TMEM18: variants seen among roughly 807,000 people sequenced by gnomAD.
The protein encoded by TMEM18 is transmembrane protein 18.
Under a neutral mutation model 17.4 loss-of-function variants are expected in TMEM18, and 14 were observed. The observed-to-expected ratio is 0.80, with a 90% CI of 0.53 to 1.25. The LOEUF is 1.25. Among genes scored for constraint, TMEM18 ranks in the 50% most tolerant of loss-of-function variants. The pLI is 0.00. For missense variants in TMEM18, 187 were observed against 172.1 expected, an observed-to-expected ratio of 1.09 and a Z score of -0.48; for synonymous variants, 86 against 66.1, an observed-to-expected ratio of 1.30 and a Z score of -1.46.
At chr2:676,091 C>T in intron 1 of TMEM18, 1 of 1,321,850 alleles carries the variant, frequency 7.6e-7, no homozygotes, top group Non-Finnish European at 1.0e-6. Flanking sequence ...TCATTTCAGA[C>T]TCCTTAGTCA....
chr2:669,980 C>T (rs1678798791), intron 3 of TMEM18, 130 bp from the exon 4 acceptor site: 1 of 682,666 alleles, frequency 1.5e-6, no homozygotes, highest in East Asian at 2.7e-5. Context: ...CTCACTGGGC[C>T]CACCCTTGGG....
chr2:675,934 G>C (rs1678992868), intron 1 of TMEM18: 1 of 1,396,492 alleles, frequency 7.2e-7, no homozygotes, highest in African/African-American at 1.4e-5. Context: ...TTGTGGAACA[G>C]AATCATGTTT....
At chr2:676,212 C>A (rs1439174350) in intron 1 of TMEM18, 4 of 1,383,866 alleles carry the variant, frequency 2.9e-6, no homozygotes, top group Non-Finnish European at 3.8e-6. Context: ...TCCGCCGCCT[C>A]CTGGACTCCC....
intron 1 of TMEM18, chr2:676,816 G>A (rs1266323869): frequency 1.5e-6 from 1 of 654,746 alleles, no homozygotes; most frequent in Non-Finnish European, 2.6e-6. Flanking sequence ...CCCAAGCCCC[G>A]CCCGCAAGAC....
intron 2 of TMEM18, among the ~76,000 whole-genome samples, chr2:674,468 T>C (rs1026689068): frequency 6.6e-6 from 1 of 152,204 alleles, no homozygotes; most frequent in African/African-American, 2.4e-5. Context: ...ATTGCAACAC[T>C]TGTCACTGTT....
chr2:674,058 G>C (rs1320134217), intron 2 of TMEM18, among the ~76,000 whole-genome samples: 1 of 152,176 alleles, frequency 6.6e-6, no homozygotes, highest in Non-Finnish European at 1.5e-5. Flanking sequence ...GGGAGTTAGA[G>C]AACCTCTGCA....
intron 2 of TMEM18, among the ~76,000 whole-genome samples, chr2:673,657 C>T (rs1678917055): frequency 6.6e-6 from 1 of 151,676 alleles, no homozygotes; most frequent in Non-Finnish European, 1.5e-5. Flanking sequence ...GCAGTCCCTC[C>T]ACTTCCTCCC....
chr2:672,953 G>T, intron 2 of TMEM18, 91 bp from the exon 3 acceptor site: 1 of 1,193,094 alleles, frequency 8.4e-7, no homozygotes, highest in Non-Finnish European at 1.2e-6. Flanking sequence ...ATACTGAATA[G>T]AAATGTCACT....
At chr2:674,425 C>A (rs1278472917) in intron 2 of TMEM18, among the ~76,000 whole-genome samples, 1 of 152,208 alleles carries the variant, frequency 6.6e-6, no homozygotes, top group Non-Finnish European at 1.5e-5. Context: ...AATCAGGCCG[C>A]TCCTCCTGTT....
chr2:664,680 T>A lies in TMEM18; in HGVS notation c.*4900A>T, dbSNP rs1678631652. Among the ~76,000 whole-genome samples, 1 of 152,230 alleles carries A rather than the reference T, an allele frequency of 6.6e-6. No homozygotes were observed. Among genetic ancestry groups the A allele is most frequent in the East Asian group, 1.9e-4 (1 of 5,198 alleles). On this transcript the variant is annotated 3_prime_UTR_variant, in exon 5 of 5. Coordinates refer to ENST00000281017, the MANE Select transcript of TMEM18 (RefSeq NM_152834.4). ...GTACAACCAATATTGGCATATGCTT[T>A]CTGAAAATTGATTTAGCAACATTTA...
intron 1 of TMEM18, chr2:676,046 C>A: frequency 7.6e-7 from 1 of 1,317,866 alleles, no homozygotes; most frequent in Non-Finnish European, 1.0e-6. Context: ...CAAAGAGATG[C>A]ACTTGGCTCA....
chr2:670,343 C>G (rs1020058212), intron 3 of TMEM18: 1 of 158,580 alleles, frequency 6.3e-6, no homozygotes, highest in Admixed American at 6.3e-5. Context: ...GGTCCTCTTG[C>G]TGTCAGTGCC....
In TMEM18 at chr2:665,251, C is replaced by T. The variant is rs1295118064; in HGVS notation, c.*4329G>A. Among the ~76,000 whole-genome samples, 1 of 150,434 alleles carries T rather than the reference C, an allele frequency of 6.6e-6. No individual in the cohort carries two copies. Among genetic ancestry groups the T allele is most frequent in the South Asian group, 2.1e-4 (1 of 4,722 alleles). On this transcript the variant is annotated 3_prime_UTR_variant, in exon 5 of 5. Coordinates refer to ENST00000281017, the MANE Select transcript of TMEM18 (RefSeq NM_152834.4). ...TCCGATAGAGAATCAACCCCATATA[C>T]AACAGGATCCAGAGATGCAGACACC...
intron 1 of TMEM18, chr2:676,290 T>A (rs1659210279): frequency 6.8e-7 from 1 of 1,478,770 alleles, no homozygotes; most frequent in African/African-American, 1.4e-5. Flanking sequence ...TCAGATCCAC[T>A]GCTGCTCAGT....
chr2:672,334 C>T (rs1274459544), intron 3 of TMEM18, among the ~76,000 whole-genome samples: 1 of 152,070 alleles, frequency 6.6e-6, no homozygotes, highest in African/African-American at 2.4e-5. Context: ...GCAGAGGACG[C>T]AGGGCCAGGG....
intron 2 of TMEM18, 105 bp downstream of exon 2, chr2:675,405 G>A: frequency 6.6e-7 from 1 of 1,519,658 alleles, no homozygotes; most frequent in African/African-American, 1.4e-5. Context: ...AGAGGGTTGG[G>A]AGGTCTTGTA....
rs147592059 is a variant in TMEM18, at chr2:669,393, T to C, written c.*187A>G. Reference sequence around the variant, plus strand: ...AGGCACCTGAAGACGCATGTCCTGATGGATACATTCAGTGCTGGCTGAAAA... The same window carrying C: ...AGGCACCTGAAGACGCATGTCCTGACGGATACATTCAGTGCTGGCTGAAAA... On this transcript the variant is annotated 3_prime_UTR_variant, in exon 5 of 5. Transcript: ENST00000281017. 5.7e-3 allele frequency: 3,721 copies of C among 647,840 alleles called. 24 individuals carry two copies. Among genetic ancestry groups the C allele is most frequent in the Non-Finnish European group, 6.6e-3 (2,413 of 363,678 alleles). The allele number at this position is 647,840 out of a possible 1,614,324, so 40.1% of individuals were successfully genotyped here.
At chr2:675,208 G>A (rs755811659) in intron 2 of TMEM18, among the ~76,000 whole-genome samples, 5 of 152,158 alleles carry the variant, frequency 3.3e-5, no homozygotes, top group African/African-American at 4.8e-5. Context: ...TGCCACCAAG[G>A]ACGCATCTTG....
In TMEM18 at chr2:666,001, T is replaced by C. The variant is rs76368634; in HGVS notation, c.*3579A>G. ...TCACTCGGATGGAGTATTAACCCCA[T>C]GTACAACAGAACCCCGAGATGCAGA... On this transcript the variant is annotated 3_prime_UTR_variant, in exon 5 of 5. Transcript: ENST00000281017. Among the ~76,000 whole-genome samples the C allele has an allele frequency of 6.9e-6, 1 of 144,760 alleles. No homozygotes were observed. The highest frequency in any genetic ancestry group is 1.5e-5 in the Non-Finnish European group (1 of 66,050). 95.0% of individuals were successfully genotyped at this position (144,760 alleles called of 152,430 possible).
Sources: gnomAD v4.1 joint callset for allele counts (sites outside exome capture counted in the v4.1 genomes callset) on GRCh38, gnomAD v4.1.1 for gene constraint, MANE v1.5 for transcripts, NCBI Gene and HGNC (gene_info 2026-07-23, HGNC 2026-07-21) for gene names.